The following SEMA5A variants were observed in gnomAD, a reference collection of about 807,000 sequenced individuals.
SEMA5A encodes the protein semaphorin-5A.
Under a neutral mutation model 135.5 loss-of-function variants are expected in SEMA5A, and 55 were observed. The ratio of observed to expected loss-of-function variants is 0.41; its 90% CI spans 0.33 to 0.51. The LOEUF (loss-of-function observed/expected upper bound fraction) is 0.51, where lower values mean the gene tolerates loss of function less well. Ranked by LOEUF, SEMA5A falls within the 20% of genes least tolerant of loss-of-function variation. The pLI is 0.37. For missense variants in SEMA5A, 1,290 were observed against 1,419.9 expected (o/e 0.91, Z 1.47); for synonymous variants, 580 against 546.5 (o/e 1.06, Z -0.85).
At chr5:9,288,872 G>A (rs1160306952) in intron 5 of SEMA5A, among the ~76,000 whole-genome samples, 2 of 151,704 alleles carry the variant, frequency 1.3e-5, no homozygotes, top group East Asian at 1.9e-4. Context: ...TAGAAATGAG[G>A]ACACACAAAA....
intron 13 of SEMA5A, among the ~76,000 whole-genome samples, chr5:9,128,272 T>G (rs752718610): frequency 1.6e-4 from 24 of 152,186 alleles, no homozygotes; most frequent in Non-Finnish European, 3.2e-4. Context: ...AAGCCAATCA[T>G]GGCAACCCCT....
At chr5:9,268,989 C>T (rs1805917) in intron 5 of SEMA5A, among the ~76,000 whole-genome samples, 61,793 of 151,924 alleles carry the variant, frequency 0.41, 12,755 homozygotes, top group East Asian at 0.48. Context: ...CGTACAATTA[C>T]CTTCTGGATG....
intron 16 of SEMA5A, among the ~76,000 whole-genome samples, chr5:9,105,150 G>T (rs13175966): frequency 0.12 from 17,510 of 152,184 alleles, 1,551 homozygotes; most frequent in East Asian, 0.32. Flanking sequence ...CTAATCCAAG[G>T]CTCTGGGTTT....
intron 1 of SEMA5A, among the ~76,000 whole-genome samples, chr5:9,480,913 T>G (rs1380300731): frequency 3.9e-5 from 6 of 152,174 alleles, no homozygotes; most frequent in Non-Finnish European, 7.4e-5. Flanking sequence ...CTTTAACCAC[T>G]AAGAGACTAG....
At chr5:9,530,387 T>C (rs1737373247) in intron 1 of SEMA5A, among the ~76,000 whole-genome samples, 3 of 152,312 alleles carry the variant, frequency 2.0e-5, no homozygotes, top group Non-Finnish European at 4.4e-5. Context: ...TAAATACATT[T>C]ATCCAAATTA....
intron 15 of SEMA5A, among the ~76,000 whole-genome samples, chr5:9,113,590 T>C (rs1395476921): frequency 1.3e-5 from 2 of 152,154 alleles, no homozygotes; most frequent in African/African-American, 4.8e-5. Context: ...TCATCAAAAA[T>C]AAATTAGTTA....
chr5:9,301,950 A>G (rs1429172477), intron 5 of SEMA5A, among the ~76,000 whole-genome samples: 1 of 151,974 alleles, frequency 6.6e-6, no homozygotes, highest in Non-Finnish European at 1.5e-5. Flanking sequence ...ATGCTCCCCT[A>G]GGAGGGCCTA....
chr5:9,224,298 A>G (rs537253896), intron 8 of SEMA5A, among the ~76,000 whole-genome samples: 22 of 152,300 alleles, frequency 1.4e-4, no homozygotes, highest in Admixed American at 1.3e-3. Flanking sequence ...ATTACATGCC[A>G]TGTTAGTAAT....
chr5:9,155,696 C>G (rs1308845767), intron 11 of SEMA5A, among the ~76,000 whole-genome samples: 1 of 152,118 alleles, frequency 6.6e-6, no homozygotes, highest in Non-Finnish European at 1.5e-5. Context: ...TATTCTAAAA[C>G]CAGAAGTAGT....
intron 10 of SEMA5A, among the ~76,000 whole-genome samples, chr5:9,194,493 C>T (rs1452758478): frequency 6.6e-6 from 1 of 152,126 alleles, no homozygotes; most frequent in East Asian, 1.9e-4. Flanking sequence ...AACATAAGGC[C>T]TCTTATACAT....
At chr5:9,508,842 G>A (rs187524901) in intron 1 of SEMA5A, among the ~76,000 whole-genome samples, 174 of 152,158 alleles carry the variant, frequency 1.1e-3, no homozygotes, top group African/African-American at 3.9e-3. Context: ...TGTCTTCTCC[G>A]TCACTGTATT....
At chr5:9,474,500 T>C (rs1410359860) in intron 1 of SEMA5A, among the ~76,000 whole-genome samples, 3 of 139,916 alleles carry the variant, frequency 2.1e-5, no homozygotes, top group South Asian at 4.5e-4. Context: ...AAAAAAAAAA[T>C]AGGGCATTCT....
intron 1 of SEMA5A, among the ~76,000 whole-genome samples, chr5:9,535,625 C>A (rs569095376): frequency 6.6e-6 from 1 of 152,002 alleles, no homozygotes; most frequent in African/African-American, 2.4e-5. Flanking sequence ...ACTTTCAACT[C>A]AACCACCTGG....
chr5:9,342,468 A>C (rs1753693299), intron 3 of SEMA5A, among the ~76,000 whole-genome samples: 1 of 152,212 alleles, frequency 6.6e-6, no homozygotes, highest in African/African-American at 2.4e-5. Flanking sequence ...GGATTTCAAA[A>C]GCTATATGGG....
intron 2 of SEMA5A, among the ~76,000 whole-genome samples, chr5:9,384,375 T>C (rs1041721377): frequency 6.6e-6 from 1 of 152,054 alleles, no homozygotes; most frequent in African/African-American, 2.4e-5. Flanking sequence ...ATTTTAGTCA[T>C]ATAATCCCGT....
At chr5:9,442,838 A>C (rs991030401) in intron 1 of SEMA5A, among the ~76,000 whole-genome samples, 10 of 152,222 alleles carry the variant, frequency 6.6e-5, no homozygotes, top group Non-Finnish European at 1.2e-4. Flanking sequence ...AAAACTCAGC[A>C]TGTACTTACT....
intron 16 of SEMA5A, among the ~76,000 whole-genome samples, chr5:9,079,741 T>C (rs796167697): frequency 1.2e-4 from 19 of 152,152 alleles, no homozygotes; most frequent in African/African-American, 4.6e-4. Context: ...GTGAAGGATA[T>C]GAACAGATAC....
At chr5:9,271,526 T>C (rs1037143534) in intron 5 of SEMA5A, among the ~76,000 whole-genome samples, 5 of 152,178 alleles carry the variant, frequency 3.3e-5, no homozygotes, top group African/African-American at 9.6e-5. Context: ...TAGAACTTGC[T>C]AGAGACTTAC....
intron 1 of SEMA5A, among the ~76,000 whole-genome samples, chr5:9,463,924 G>T (rs77580048): frequency 0.04 from 6,046 of 152,250 alleles, 175 homozygotes; most frequent in Middle Eastern, 0.085. Flanking sequence ...GTTGTTACTG[G>T]TTGATAAGCT....
Sources: gnomAD v4.1 joint callset for allele counts (sites outside exome capture counted in the v4.1 genomes callset) on GRCh38, gnomAD v4.1.1 for gene constraint, MANE v1.5 for transcripts, NCBI Gene and HGNC (gene_info 2026-07-23, HGNC 2026-07-21) for gene names.